ZSCAN5A: variants seen among roughly 807,000 people sequenced by gnomAD.
ZSCAN5A encodes the protein zinc finger and SCAN domain-containing protein 5A.
A neutral mutation model predicts 23.7 loss-of-function variants in ZSCAN5A; 12 were observed. The ratio of observed to expected loss-of-function variants is 0.51; its 90% CI spans 0.32 to 0.82. The LOEUF (loss-of-function observed/expected upper bound fraction) is 0.82, where lower values mean the gene tolerates loss of function less well. ZSCAN5A is among the 40% of genes least tolerant of loss of function. The pLI, the probability that ZSCAN5A is intolerant of heterozygous loss-of-function variation, is 0.03. For missense variants in ZSCAN5A, 597 were observed against 617.9 expected (o/e 0.97, Z 0.36); for synonymous variants, 257 against 239.9 (o/e 1.07, Z -0.66).
At chr19:56,316,783 T>C (rs966359597), upstream of ZSCAN5A, 2 of 152,382 alleles carry the variant, frequency 1.3e-5, no homozygotes, top group African/African-American at 4.8e-5. Flanking sequence ...CTAATGATCA[T>C]TACAATTCCT....
chr19:56,328,856 A>G (rs981437613), intron 2 of ZSCAN5A, among the ~76,000 whole-genome samples: 9 of 151,402 alleles, frequency 5.9e-5, no homozygotes, highest in African/African-American at 1.9e-4. Context: ...TTAGCTGGGC[A>G]TGGTGGCGGG....
intron 2 of ZSCAN5A, chr19:56,285,023 T>C (rs1294107762): frequency 1.0e-6 from 1 of 985,264 alleles, no homozygotes; most frequent in Non-Finnish European, 1.2e-6. Context: ...TGTCACCGGA[T>C]GGTAAGTGTC....
chr19:56,245,371 G>A (rs752460305), intron 2 of ZSCAN5A: 39 of 751,874 alleles, frequency 5.2e-5, no homozygotes, highest in South Asian at 5.2e-4. Flanking sequence ...GGGAAGGCCA[G>A]GCCAGCCAAG....
chr19:56,362,228 C>T (rs2041738479), intron 2 of ZSCAN5A, among the ~76,000 whole-genome samples: 1 of 151,840 alleles, frequency 6.6e-6, no homozygotes. Context: ...AATATTGTAC[C>T]CATGTGAATT....
chr19:56,247,189 C>CG, intron 2 of ZSCAN5A: 2 of 542,824 alleles, frequency 3.7e-6, no homozygotes, highest in Non-Finnish European at 6.7e-6. Flanking sequence ...CTCAGACCTC[C>CG]GCGTCCACCA....
At chr19:56,260,747 C>CA (rs2037069543) in intron 2 of ZSCAN5A, among the ~76,000 whole-genome samples, 2 of 152,194 alleles carry the variant, frequency 1.3e-5, no homozygotes, top group South Asian at 4.1e-4. Flanking sequence ...ATGGAATTGA[C>CA]AAAAAACTAG....
At chr19:56,298,241 T>C (rs2040006750) in intron 2 of ZSCAN5A, 1 of 151,946 alleles carries the variant, frequency 6.6e-6, no homozygotes, top group Non-Finnish European at 1.5e-5. Flanking sequence ...AAAATAACAA[T>C]AAGGTGATCA....
At chr19:56,349,822 CTTT>C (rs2041657092) in intron 2 of ZSCAN5A, among the ~76,000 whole-genome samples, 1 of 149,970 alleles carries the variant, frequency 6.7e-6, no homozygotes, top group Non-Finnish European at 1.5e-5. Context: ...TTATCAAATA[CTTT>C]TTATTATTTC....
intron 4 of ZSCAN5A, among the ~76,000 whole-genome samples, chr19:56,223,258 A>G (rs182506828): frequency 1.3e-5 from 2 of 152,254 alleles, no homozygotes; most frequent in East Asian, 3.9e-4. Context: ...GTTGAGAAAC[A>G]CTCCTCAAAT....
chr19:56,330,081 A>G (rs541470565), intron 2 of ZSCAN5A, among the ~76,000 whole-genome samples: 32 of 152,224 alleles, frequency 2.1e-4, no homozygotes, highest in Middle Eastern at 3.4e-3. Flanking sequence ...GAGAACATGC[A>G]GTGTTTGGTT....
chr19:56,223,562 A>T (rs1334722500), intron 4 of ZSCAN5A, 69 bp downstream of exon 4: 6 of 1,528,670 alleles, frequency 3.9e-6, no homozygotes, highest in Admixed American at 1.8e-5. Flanking sequence ...CAATCAGTCC[A>T]GCGGCCACAC....
intron 2 of ZSCAN5A, chr19:56,246,606 G>T: frequency 3.0e-6 from 2 of 668,004 alleles, no homozygotes; most frequent in Non-Finnish European, 5.3e-6. Flanking sequence ...AGAGACCTAC[G>T]GTCCAATGTC....
In ZSCAN5A at chr19:56,228,434, T is replaced by C. The variant is rs545670387; in HGVS notation, c.-127-3261A>G. The C allele has an allele frequency of 3.0e-6, 3 of 985,432 alleles. No homozygotes were observed. In the South Asian group the frequency reaches 1.4e-4, roughly 46 times the overall value. 61.0% of individuals were successfully genotyped at this position (985,432 alleles called of 1,614,324 possible). On this transcript the variant is annotated intron_variant, in intron 2 of 5. Coordinates refer to ENST00000683990, the MANE Select transcript of ZSCAN5A (RefSeq NM_001322064.3). ...TTTACGTAATCGGCGTTGATTATGG[T>C]TCCCACTGAAACCCCACCCACAGGA...
intron 2 of ZSCAN5A, among the ~76,000 whole-genome samples, chr19:56,273,973 C>T (rs1600151376): frequency 1.3e-5 from 2 of 152,094 alleles, no homozygotes; most frequent in African/African-American, 4.8e-5. Flanking sequence ...AGTTAGAAAA[C>T]GTTTTGGTCA....
rs2058318 is a variant in ZSCAN5A at position 56,351,607 on chromosome 19, C to G, written c.-358+11628G>C. Among the ~76,000 whole-genome samples the G allele has an allele frequency of 0.39, 59,219 of 151,798 alleles. 11,754 individuals carry two copies. Among genetic ancestry groups the G allele is most frequent in the East Asian group, 0.48 (2,444 of 5,128 alleles). On this transcript the variant is annotated intron_variant, in intron 2 of 6. Transcript: ENST00000587340. The surrounding 1 kb of genome is among the most constrained non-coding windows in gnomAD (Gnocchi z 4.8). ...CTGTTCTCTTCTTTCTTCCTTCTTA[C>G]TTGCTATTAAACTTTTCACTCCTTA...
At chr19:56,251,689 T>C (rs1174537242) in intron 2 of ZSCAN5A, among the ~76,000 whole-genome samples, 1 of 152,132 alleles carries the variant, frequency 6.6e-6, no homozygotes, top group Non-Finnish European at 1.5e-5. Context: ...TTAAGTGAAA[T>C]AAGCCAGTCC....
intron 2 of ZSCAN5A, among the ~76,000 whole-genome samples, chr19:56,280,103 G>T (rs569724756): frequency 3.0e-4 from 46 of 152,210 alleles, no homozygotes; most frequent in African/African-American, 1.1e-3. Flanking sequence ...TCCTTCCAGA[G>T]ATATTTTATG....
intron 2 of ZSCAN5A, among the ~76,000 whole-genome samples, chr19:56,249,461 A>T (rs144214679): frequency 2.0e-5 from 3 of 152,230 alleles, no homozygotes; most frequent in African/African-American, 7.2e-5. Context: ...TAGTAGAGAC[A>T]GGGTTTCGCC....
At chr19:56,329,947 A>G (rs960658794) in intron 2 of ZSCAN5A, among the ~76,000 whole-genome samples, 23 of 152,172 alleles carry the variant, frequency 1.5e-4, no homozygotes, top group Non-Finnish European at 2.4e-4. Flanking sequence ...GATAGAAAGC[A>G]CAGTACCCAA....
Sources: gnomAD v4.1 joint callset for allele counts (sites outside exome capture counted in the v4.1 genomes callset) on GRCh38, gnomAD v4.1.1 for gene constraint, Gnocchi (gnomAD v3.1) non-coding constraint, MANE v1.5 for transcripts, NCBI Gene and HGNC (gene_info 2026-07-23, HGNC 2026-07-21) for gene names.